The following RPH3A variants were observed in gnomAD, a reference collection of about 807,000 sequenced individuals.
RPH3A encodes the protein rabphilin 3A, also known as rabphilin-3A.
RPH3A carries 48 observed loss-of-function variants against 102.2 expected under a neutral mutation model. That is an observed-to-expected ratio of 0.47 (90% confidence interval 0.37 to 0.60). RPH3A has a LOEUF of 0.60. RPH3A is among the 20% of genes least tolerant of loss of function. The probability of loss-of-function intolerance (pLI) is 0.00; values close to 1 mark genes in which losing one functional copy is unlikely to be tolerated. For synonymous variants in RPH3A, 310 were observed against 324.3 expected (o/e 0.96, Z 0.47); for missense variants, 781 against 910.1 (o/e 0.86, Z 1.83).
intron 1 of RPH3A, among the ~76,000 whole-genome samples, chr12:112,729,008 G>A (rs750235807): frequency 6.6e-6 from 1 of 152,110 alleles, no homozygotes; most frequent in African/African-American, 2.4e-5. Flanking sequence ...TGGTGCTAGC[G>A]GGAGTGGCTT....
intron 1 of RPH3A, among the ~76,000 whole-genome samples, chr12:112,646,995 TCTAA>T (rs1261562316): frequency 1.3e-5 from 2 of 152,228 alleles, no homozygotes; most frequent in Non-Finnish European, 2.9e-5. Flanking sequence ...ATGGGGGTAC[TCTAA>T]AGTGTGAATT....
intron 1 of RPH3A, among the ~76,000 whole-genome samples, chr12:112,674,386 C>T (rs773108835): frequency 6.6e-6 from 1 of 152,166 alleles, no homozygotes; most frequent in Non-Finnish European, 1.5e-5. Context: ...GCCAAGCCTT[C>T]TGGCTTCGTG....
chr12:112,589,559 A>G (rs2039461599), intron 1 of RPH3A, among the ~76,000 whole-genome samples: 1 of 151,962 alleles, frequency 6.6e-6, no homozygotes, highest in Admixed American at 6.6e-5. Context: ...CTCAACATAC[A>G]TGACCCCTCC....
chr12:112,828,475 C>A, intron 3 of RPH3A, 86 bp downstream of exon 3: 1 of 979,404 alleles, frequency 1.0e-6, no homozygotes, highest in Non-Finnish European at 1.6e-6. Flanking sequence ...GAAGGAATAG[C>A]TTCCTTCCCT....
At chr12:112,705,191 C>T (rs569354624) in intron 1 of RPH3A, among the ~76,000 whole-genome samples, 5 of 152,200 alleles carry the variant, frequency 3.3e-5, no homozygotes, top group Non-Finnish European at 7.3e-5. Flanking sequence ...TGCTCCTTCT[C>T]TTTAAGGGCA....
chr12:112,680,252 A>G (rs968912579), intron 1 of RPH3A, among the ~76,000 whole-genome samples: 3 of 152,206 alleles, frequency 2.0e-5, no homozygotes, highest in Non-Finnish European at 4.4e-5. Flanking sequence ...GTTGAATAAT[A>G]TAACTGGCTT....
rs572571057 is a variant in RPH3A at position 112,897,262 on chromosome 12, T to G, written c.*482T>G. On this transcript the variant is annotated 3_prime_UTR_variant, in exon 22 of 22. Coordinates refer to ENST00000389385, the MANE Select transcript of RPH3A (RefSeq NM_001143854.2). Reference sequence around the variant, plus strand: ...TGTGAGAGAAGCATTGGGGCACAAATAGAGCCTCCGGGCTCCCACTGCCCC... The same window carrying G: ...TGTGAGAGAAGCATTGGGGCACAAAGAGAGCCTCCGGGCTCCCACTGCCCC... The G allele has an allele frequency of 7.5e-5, 12 of 159,558 alleles. No homozygotes were observed. The East Asian group carries it at 2.1e-3, about 28-fold the overall frequency. 9.9% of individuals were successfully genotyped at this position (159,558 alleles called of 1,614,324 possible). A position where few individuals can be genotyped will look rare whatever the true frequency, so the allele number is the denominator to read the frequency against.
intron 1 of RPH3A, among the ~76,000 whole-genome samples, chr12:112,678,482 T>C (rs953085595): frequency 2.6e-5 from 4 of 152,068 alleles, no homozygotes; most frequent in African/African-American, 4.8e-5. Context: ...TCAGTCTGTG[T>C]TTAAAAGCAG....
At chr12:112,742,935 G>A (rs916323644) in intron 1 of RPH3A, among the ~76,000 whole-genome samples, 1 of 152,136 alleles carries the variant, frequency 6.6e-6, no homozygotes, top group Non-Finnish European at 1.5e-5. Context: ...TTGCTTTCCT[G>A]CCTTTTCCAG....
chr12:112,627,889 G>C (rs1468473670), intron 1 of RPH3A, among the ~76,000 whole-genome samples: 1 of 151,544 alleles, frequency 6.6e-6, no homozygotes, highest in African/African-American at 2.4e-5. Context: ...GCCTGCACAG[G>C]AAGCATGGCT....
intron 7 of RPH3A, 68 bp from the exon 8 acceptor site, chr12:112,868,362 G>T: frequency 6.6e-7 from 1 of 1,504,370 alleles, no homozygotes; most frequent in Non-Finnish European, 9.1e-7. Flanking sequence ...ATAAAAATGG[G>T]CACTCATGAA....
At chr12:112,744,355 C>G (rs1456125292) in intron 1 of RPH3A, among the ~76,000 whole-genome samples, 1 of 152,142 alleles carries the variant, frequency 6.6e-6, no homozygotes, top group African/African-American at 2.4e-5. Flanking sequence ...GGATTACATG[C>G]GTGAGCCACC....
chr12:112,736,600 G>C (rs779919909), intron 1 of RPH3A, among the ~76,000 whole-genome samples: 6 of 152,146 alleles, frequency 3.9e-5, no homozygotes, highest in African/African-American at 7.2e-5. Context: ...CGACCCTTGG[G>C]ATAAGAACAG....
At chr12:112,774,652 T>C (rs1377960752) in intron 1 of RPH3A, among the ~76,000 whole-genome samples, 2 of 152,144 alleles carry the variant, frequency 1.3e-5, no homozygotes, top group East Asian at 1.9e-4. Context: ...TGGAAGCCAT[T>C]ATCCTCAGCA....
chr12:112,584,371 G>A (rs981480252), intron 1 of RPH3A, among the ~76,000 whole-genome samples: 1 of 152,108 alleles, frequency 6.6e-6, no homozygotes, highest in Non-Finnish European at 1.5e-5. Flanking sequence ...CTCTGACACC[G>A]TTCTCTACGC....
chr12:112,671,897 A>C (rs1455110759), intron 1 of RPH3A, among the ~76,000 whole-genome samples: 1 of 151,594 alleles, frequency 6.6e-6, no homozygotes, highest in Non-Finnish European at 1.5e-5. Context: ...ACACACCCCA[A>C]TAGGATATAT....
In RPH3A at chr12:112,678,320, A is replaced by AG. The variant is rs1487515158; in HGVS notation, c.-140+103002dup. Among the ~76,000 whole-genome samples the AG allele has an allele frequency of 4.1e-3, 203 of 49,044 alleles. 37 individuals are homozygous for AG. The highest frequency in any genetic ancestry group is 4.9e-3 in the Non-Finnish European group (87 of 17,784). 32.2% of individuals were successfully genotyped at this position (49,044 alleles called of 152,430 possible). On this transcript the variant is annotated intron_variant, in intron 1 of 21. Coordinates refer to the RPH3A transcript ENST00000543106. ...AAGAAAGAAAGAGAGAGAGAGAGAA[A>AG]GAAAGAAAGAAGGAAGGAAGGAAGG...
intron 5 of RPH3A, among the ~76,000 whole-genome samples, chr12:112,851,571 A>C (rs2042323172): frequency 6.6e-6 from 1 of 152,180 alleles, no homozygotes; most frequent in Non-Finnish European, 1.5e-5. Flanking sequence ...ACCAGGAAGC[A>C]TTGCCTCCCT....
chr12:112,651,240 G>T (rs2039973170), intron 1 of RPH3A, among the ~76,000 whole-genome samples: 1 of 151,976 alleles, frequency 6.6e-6, no homozygotes. Context: ...GTGCATGCTT[G>T]TAGTCCCAGC....
Sources: gnomAD v4.1 joint callset for allele counts (sites outside exome capture counted in the v4.1 genomes callset) on GRCh38, gnomAD v4.1.1 for gene constraint, MANE v1.5 for transcripts, NCBI Gene and HGNC (gene_info 2026-07-23, HGNC 2026-07-21) for gene names.